TSPAN15: variants seen among roughly 807,000 people sequenced by gnomAD.
TSPAN15 encodes tetraspanin 15.
TSPAN15 carries 20 observed loss-of-function variants against 34.5 expected under a neutral mutation model. The observed-to-expected ratio is 0.58, with a 90% confidence interval of 0.41 to 0.84. TSPAN15 has a LOEUF of 0.84. Among genes scored for constraint, TSPAN15 ranks in the 40% least tolerant of loss-of-function variants. The pLI is 0.00. For synonymous variants in TSPAN15, 155 were observed against 153.9 expected (o/e 1.01, Z -0.05); for missense variants, 313 against 386.1 (o/e 0.81, Z 1.59).
chr10:69,469,260 C>T (rs1178483877), intron 1 of TSPAN15, among the ~76,000 whole-genome samples: 3 of 152,198 alleles, frequency 2.0e-5, no homozygotes, highest in African/African-American at 7.2e-5. Flanking sequence ...CCCCACCTTG[C>T]CCAGTGCATC....
downstream of TSPAN15, among the ~76,000 whole-genome samples, chr10:69,508,440 C>CAAAAAAAAAAAAAAAAAAAAAA (rs71009229): frequency 1.6e-5 from 1 of 62,162 alleles, no homozygotes; most frequent in Non-Finnish European, 2.9e-5. Flanking sequence ...GACTCCATCT[C>CAAAAAAAAAAAAAAAAAAAAAA]AAAAAAAAAA....
intron 3 of TSPAN15, among the ~76,000 whole-genome samples, chr10:69,489,047 T>G (rs1318364314): frequency 6.6e-6 from 1 of 152,114 alleles, no homozygotes; most frequent in Non-Finnish European, 1.5e-5. Flanking sequence ...CAGGGTGTAT[T>G]TCAGTCCTTA....
chr10:69,481,158 T>C (rs1305664464), intron 1 of TSPAN15, among the ~76,000 whole-genome samples: 1 of 152,204 alleles, frequency 6.6e-6, no homozygotes, highest in East Asian at 1.9e-4. Flanking sequence ...AAGTAGATAT[T>C]TTTCATGGTC....
downstream of TSPAN15, among the ~76,000 whole-genome samples, chr10:69,508,877 T>C (rs951195355): frequency 6.6e-6 from 1 of 152,198 alleles, no homozygotes; most frequent in Non-Finnish European, 1.5e-5. Context: ...TGTGCACACA[T>C]GGTACTAGGC....
chr10:69,456,357 G>C (rs1351260803), intron 1 of TSPAN15, among the ~76,000 whole-genome samples: 1 of 152,084 alleles, frequency 6.6e-6, no homozygotes, highest in Non-Finnish European at 1.5e-5. Context: ...AAAGTGCTGG[G>C]ATTACAGGCG....
At chr10:69,493,991 T>C (rs1842024366) in intron 3 of TSPAN15, among the ~76,000 whole-genome samples, 1 of 152,220 alleles carries the variant, frequency 6.6e-6, no homozygotes, top group South Asian at 2.1e-4. Context: ...TTTGTTCCTC[T>C]TTTCCTGATC....
At chr10:69,490,842 T>C (rs1299429446) in intron 3 of TSPAN15, among the ~76,000 whole-genome samples, 1 of 152,276 alleles carries the variant, frequency 6.6e-6, no homozygotes, top group Non-Finnish European at 1.5e-5. Flanking sequence ...TTGTGTTATT[T>C]TTTATTGTTC....
At chr10:69,534,109 G>T in the TSPAN15 span, among the ~76,000 whole-genome samples, 4 of 152,118 alleles carry the variant, frequency 2.6e-5, no homozygotes, top group African/African-American at 9.7e-5. Flanking sequence ...AAGAAAATTG[G>T]ATTATTATCA....
chr10:69,503,786 G>A (rs1327678200), intron 5 of TSPAN15, among the ~76,000 whole-genome samples: 1 of 152,210 alleles, frequency 6.6e-6, no homozygotes, highest in East Asian at 1.9e-4. Context: ...GTGGTGATGG[G>A]AAGTGCCCGC....
chr10:69,464,839 G>C (rs776045494), intron 1 of TSPAN15, among the ~76,000 whole-genome samples: 1 of 152,210 alleles, frequency 6.6e-6, no homozygotes, highest in East Asian at 1.9e-4. Flanking sequence ...GTGCAGGGGG[G>C]ACAATGGACA....
chr10:69,532,641 A>T, the TSPAN15 span, among the ~76,000 whole-genome samples: 1 of 152,214 alleles, frequency 6.6e-6, no homozygotes, highest in African/African-American at 2.4e-5. Flanking sequence ...ATGACCAAGA[A>T]CCCAAAAGCA....
chr10:69,530,828 A>C, the TSPAN15 span, among the ~76,000 whole-genome samples: 4,031 of 58,524 alleles, frequency 0.069, 62 homozygotes, highest in African/African-American at 0.081. Flanking sequence ...CTCTATATAT[A>C]TATATATATA....
the TSPAN15 span, among the ~76,000 whole-genome samples, chr10:69,545,857 G>A: frequency 2.0e-5 from 3 of 152,214 alleles, no homozygotes; most frequent in Admixed American, 6.5e-5. Context: ...TCGGGAGGCT[G>A]AGGCAGGAGA....
rs576680725 is a variant in TSPAN15, at chr10:69,490,954, G to T, written c.358-4640G>T. 5.6e-4 allele frequency among the ~76,000 whole-genome samples: 86 copies of T among 152,330 alleles called. 1 individual carries two copies. The highest frequency in any genetic ancestry group is 2.0e-3 in the African/African-American group (85 of 41,576). ...GTATCCTTCCCACTTACAGCAGAGC[G>T]GTCGGCCTTACAGAAGTAGAGAGTG... On this transcript the variant is annotated intron_variant, in intron 3 of 7. Coordinates refer to ENST00000373290, the MANE Select transcript of TSPAN15 (RefSeq NM_012339.5).
At chr10:69,490,194 C>T (rs533999571) in intron 3 of TSPAN15, among the ~76,000 whole-genome samples, 24 of 152,290 alleles carry the variant, frequency 1.6e-4, no homozygotes, top group African/African-American at 5.5e-4. Flanking sequence ...CTGGGCACAA[C>T]CTTGAGGTCA....
the TSPAN15 span, among the ~76,000 whole-genome samples, chr10:69,546,947 C>T: frequency 2.0e-5 from 3 of 152,008 alleles, no homozygotes; most frequent in African/African-American, 4.8e-5. Context: ...AGTTCAAAAC[C>T]AGCCTGGCCA....
chr10:69,468,302 C>T (rs111349997), intron 1 of TSPAN15, among the ~76,000 whole-genome samples: 17 of 152,186 alleles, frequency 1.1e-4, no homozygotes, highest in Non-Finnish European at 1.8e-4. Context: ...TGGGGAGACC[C>T]GGTGTGCCCT....
Position 69,476,620 on chromosome 10 carries a change from G to A in TSPAN15, c.97-7071G>A, listed in dbSNP as rs186890359. ...GCTGTGTCAGAGAATGTCAGGGACT[G>A]AGGATTACAATTCACCAGGTTCTCT... On this transcript the variant is annotated intron_variant, in intron 1 of 7. Coordinates refer to ENST00000373290, the MANE Select transcript of TSPAN15 (RefSeq NM_012339.5). Among the ~76,000 whole-genome samples the A allele has an allele frequency of 9.7e-4, 148 of 151,984 alleles. 1 individual carries two copies. Among genetic ancestry groups the A allele is most frequent in the Middle Eastern group, 3.4e-3 (1 of 292 alleles).
intron 1 of TSPAN15, among the ~76,000 whole-genome samples, chr10:69,464,769 C>T (rs1439112260): frequency 1.3e-5 from 2 of 152,104 alleles, no homozygotes; most frequent in Non-Finnish European, 1.5e-5. Context: ...GAAACCAAGC[C>T]CCAAGCCACC....
Sources: allele counts gnomAD v4.1 joint callset (sites outside exome capture counted in the v4.1 genomes callset), GRCh38; gene constraint gnomAD v4.1.1; transcripts MANE v1.5; gene names NCBI Gene and HGNC (gene_info 2026-07-23, HGNC 2026-07-21).